CNTN2: variants seen among roughly 807,000 people sequenced by gnomAD.
The protein encoded by CNTN2 is contactin 2.
Under a neutral mutation model 117.5 loss-of-function variants are expected in CNTN2, and 53 were observed. The observed-to-expected ratio is 0.45, with a 90% CI of 0.36 to 0.57. The LOEUF (loss-of-function observed/expected upper bound fraction) is 0.57, where lower values mean the gene tolerates loss of function less well. CNTN2 is among the 20% of genes least tolerant of loss of function. The pLI is 0.00. For missense variants in CNTN2, 1,106 were observed against 1,404.3 expected (o/e 0.79, Z 3.39); for synonymous variants, 530 against 561.7 (o/e 0.94, Z 0.80).
Position 205,065,340 on chromosome 1 carries a change from C to G in CNTN2, c.1695+78C>G. 1 of 1,500,934 alleles carries G rather than the reference C, an allele frequency of 6.7e-7. No homozygotes were observed. The allele number at this position is 1,500,934 out of a possible 1,614,324, so 93.0% of individuals were successfully genotyped here. A position where few individuals can be genotyped will look rare whatever the true frequency, so the allele number is the denominator to read the frequency against. On this transcript the variant is annotated intron_variant, in intron 13 of 22. Coordinates refer to ENST00000331830, the MANE Select transcript of CNTN2 (RefSeq NM_005076.5). The surrounding 1 kb of genome is among the most constrained non-coding windows in gnomAD (Gnocchi z 4.1). ...GGGCCCCAAGATGTCCTTAGCCATC[C>G]TCACCTTTAAGAAACCCATAGCCTA...
At position 205,065,013 on chromosome 1, in the gene CNTN2, T is replaced by C; in HGVS notation, c.1520-74T>C. 6.6e-7 allele frequency: 1 copy of C among 1,515,890 alleles called. No individual in the cohort carries two copies. The highest frequency in any genetic ancestry group is 9.0e-7 in the Non-Finnish European group (1 of 1,107,150). 93.9% of individuals were successfully genotyped at this position (1,515,890 alleles called of 1,614,324 possible). A position where few individuals can be genotyped will look rare whatever the true frequency, so the allele number is the denominator to read the frequency against. ...TTGCTGGGCCTTAGGACAGAGCCTC[T>C]CAGCCTGCCCTGCGGACCCGGCCTG... On this transcript the variant is annotated intron_variant, in intron 12 of 22. Coordinates refer to ENST00000331830, the MANE Select transcript of CNTN2 (RefSeq NM_005076.5). This position sits in a 1 kb window ranked among gnomAD's most constrained non-coding sequence, Gnocchi z 4.1.
Position 205,061,759 on chromosome 1 carries a change from C to T in CNTN2, c.974-106C>T. The T allele has an allele frequency of 7.3e-7, 1 of 1,372,008 alleles. No individual in the cohort carries two copies. 85.0% of individuals were successfully genotyped at this position (1,372,008 alleles called of 1,614,324 possible). A position where few individuals can be genotyped will look rare whatever the true frequency, so the allele number is the denominator to read the frequency against. ...CTCCATCTCAGAATGCTCATGGCGC[C>T]CTCTGCTGTCTGGCACAGGTGCTGC... is the stretch of plus-strand genomic sequence containing the variant. On this transcript the variant is annotated intron_variant, in intron 8 of 22. Transcript: ENST00000331830. The surrounding 1 kb of genome is among the most constrained non-coding windows in gnomAD (Gnocchi z 4.8).
Position 205,059,346 on chromosome 1 carries a change from C to A in CNTN2, c.697+53C>A. 4 of 1,537,622 alleles carry A rather than the reference C, an allele frequency of 2.6e-6. No individual in the cohort carries two copies. The highest frequency in any genetic ancestry group is 3.6e-6 in the Non-Finnish European group (4 of 1,123,090). ...GGAGGGAACTGGAAGGGTCAGCGGG[C>A]ATTAGGAAAAGGGTTTTTCCTTTGG... On this transcript the variant is annotated intron_variant, in intron 6 of 22. Transcript: ENST00000331830. The surrounding 1 kb of genome is among the most constrained non-coding windows in gnomAD (Gnocchi z 5.6).
chr1:205,043,670 G>A (rs1229933940), intron 1 of CNTN2, among the ~76,000 whole-genome samples: 1 of 152,186 alleles, frequency 6.6e-6, no homozygotes, highest in Non-Finnish European at 1.5e-5. Context: ...GTGTGTCCAG[G>A]AATTCCAGTT....
At chr1:205,049,395 A>G (rs942923144) in intron 1 of CNTN2, among the ~76,000 whole-genome samples, 43 of 151,912 alleles carry the variant, frequency 2.8e-4, no homozygotes, top group African/African-American at 9.9e-4. Context: ...ATACACATAT[A>G]TACATATACA....
intron 9 of CNTN2, 25 bp from the exon 10 acceptor site, chr1:205,062,415 C>G (rs910917774): frequency 1.2e-6 from 2 of 1,600,920 alleles, no homozygotes; most frequent in Admixed American, 3.4e-5. Context: ...CCTGATCCCC[C>G]TGGGCTCTGG....
rs1654002260 is a variant in CNTN2, at chr1:205,061,920, C to A, written c.1029C>A (p.Asn343Lys). 3.1e-6 allele frequency: 5 copies of A among 1,600,328 alleles called. No individual in the cohort carries two copies. Among genetic ancestry groups the A allele is most frequent in the Non-Finnish European group, 4.3e-6 (5 of 1,172,466 alleles). ...ISDTEADIGS[N>K]LRWGCAAAGK... Reference sequence around the variant, plus strand: ...ACACAGAGGCTGACATTGGCTCCAACCTGCGTTGGGGCTGTGCAGCCGCCG... The same window carrying A: ...ACACAGAGGCTGACATTGGCTCCAAACTGCGTTGGGGCTGTGCAGCCGCCG... Residue 343 changes from asparagine (N) to lysine (K), a missense_variant, in exon 9 of 23, where the codon AAC becomes AAA. Physicochemically the swap from Asn to Lys is moderately conservative, Grantham distance 94 (BLOSUM62 0). Transcript: ENST00000331830. The surrounding 1 kb of genome is among the most constrained non-coding windows in gnomAD (Gnocchi z 4.8).
intron 9 of CNTN2, 99 bp downstream of exon 9, chr1:205,062,100 T>C: frequency 7.0e-7 from 1 of 1,433,098 alleles, no homozygotes. Context: ...TAGTAGCCCC[T>C]CTGGGCTAAT....
At position 205,073,799 on chromosome 1, in the gene CNTN2, C is replaced by T. The variant is rs545612068; in HGVS notation, c.*34C>T. The T allele has an allele frequency of 1.5e-5, 24 of 1,555,840 alleles. No homozygotes were observed. Among genetic ancestry groups the T allele is most frequent in the African/African-American group, 4.1e-5 (3 of 73,914 alleles). ...CCCCTCCCTCTGCGCCGCAGCTGGA[C>T]GCCACCTCCGACGGACACAGCCAGC... On this transcript the variant is annotated 3_prime_UTR_variant, in exon 23 of 23. Coordinates refer to ENST00000331830, the MANE Select transcript of CNTN2 (RefSeq NM_005076.5). The surrounding 1 kb of genome is among the most constrained non-coding windows in gnomAD (Gnocchi z 6.3).
At position 205,078,168 on chromosome 1, in the gene CNTN2, G is replaced by A. The variant is rs535048207; in HGVS notation, c.*4403G>A. 1.3e-5 allele frequency: 2 copies of A among 152,206 alleles called. No individual in the cohort carries two copies. The highest frequency in any genetic ancestry group is 6.5e-5 in the Admixed American group (1 of 15,278). 9.4% of individuals were successfully genotyped at this position (152,206 alleles called of 1,614,324 possible). A position where few individuals can be genotyped will look rare whatever the true frequency, so the allele number is the denominator to read the frequency against. On this transcript the variant is annotated 3_prime_UTR_variant, in exon 23 of 23. Coordinates refer to ENST00000331830, the MANE Select transcript of CNTN2 (RefSeq NM_005076.5). ...TCTATATTGCTTCATCCAGTCCCAG[G>A]AGGAGGGAAAAATTAGGCCAAGATC...
rs1654918670 is a variant in CNTN2, at chr1:205,077,491, T to C, written c.*3726T>C. 6.6e-6 allele frequency: 1 copy of C among 152,262 alleles called. No homozygotes were observed. The highest frequency in any genetic ancestry group is 2.1e-4 in the South Asian group (1 of 4,836). 9.4% of individuals were successfully genotyped at this position (152,262 alleles called of 1,614,324 possible). A position where few individuals can be genotyped will look rare whatever the true frequency, so the allele number is the denominator to read the frequency against. On this transcript the variant is annotated 3_prime_UTR_variant, in exon 23 of 23. Transcript: ENST00000331830. ...CTGTCTCCCTGGGTGACACCCACCC[T>C]AGGCTTCCTCCTGGATGTGATGGGG...
intron 1 of CNTN2, among the ~76,000 whole-genome samples, chr1:205,046,733 A>T (rs191226970): frequency 6.6e-6 from 1 of 152,312 alleles, no homozygotes; most frequent in East Asian, 1.9e-4. Flanking sequence ...TTCAGAAACA[A>T]GTTGAAACCA....
chr1:205,058,886 G>A lies in CNTN2; in HGVS notation c.488-198G>A, dbSNP rs1329214578. On this transcript the variant is annotated intron_variant, in intron 5 of 22. Coordinates refer to ENST00000331830, the MANE Select transcript of CNTN2 (RefSeq NM_005076.5). This position sits in a 1 kb window ranked among gnomAD's most constrained non-coding sequence, Gnocchi z 4.3. ...AAACTGGGTGGCCCCTGAGGGCTGC[G>A]ATCCCTGGCAGACTTAGCGCTCCCT... 10 of 675,982 alleles carry A rather than the reference G, an allele frequency of 1.5e-5. No individual in the cohort carries two copies. Among genetic ancestry groups the A allele is most frequent in the Non-Finnish European group, 2.2e-5 (9 of 402,526 alleles). 41.9% of individuals were successfully genotyped at this position (675,982 alleles called of 1,614,324 possible).
Position 205,070,008 on chromosome 1 carries a change from G to A in CNTN2, c.2378G>A (p.Arg793His), listed in dbSNP as rs761461194. Residue 793 changes from arginine (R) to histidine (H), a missense_variant, in exon 18 of 23, where the codon CGC becomes CAC. Coordinates refer to ENST00000331830, the MANE Select transcript of CNTN2 (RefSeq NM_005076.5). The stretch of plus-strand genomic sequence containing the variant: ...GAGGTCAAGATCCGCAGCTACAACC[G>A]CCGCGGGGATGGGCCCGAGAGCCTC... ...PFEVKIRSYN[R>H]RGDGPESLTA... The A allele has an allele frequency of 5.6e-6, 9 of 1,613,828 alleles. No individual in the cohort carries two copies. The highest frequency in any genetic ancestry group is 1.1e-5 in the South Asian group (1 of 91,084).
chr1:205,057,741 C>A, intron 2 of CNTN2, 180 bp from the exon 3 acceptor site: 1 of 562,588 alleles, frequency 1.8e-6, no homozygotes, highest in Non-Finnish European at 3.1e-6. Context: ...GTTCTTCAGT[C>A]GCAATAGCCA....
chr1:205,058,110 G>T lies in CNTN2; in HGVS notation c.215+45G>T, dbSNP rs765169365. The stretch of plus-strand genomic sequence containing the variant: ...TGCTGGGAGGCCCTGGGCAGCCGTT[G>T]AACTTTCCCTCTCATCAGCCCTGCC... On this transcript the variant is annotated intron_variant, in intron 3 of 22. Coordinates refer to ENST00000331830, the MANE Select transcript of CNTN2 (RefSeq NM_005076.5). The surrounding 1 kb of genome is among the most constrained non-coding windows in gnomAD (Gnocchi z 4.3). 1 of 1,605,114 alleles carries T rather than the reference G, an allele frequency of 6.2e-7. No individual in the cohort carries two copies. Among genetic ancestry groups the T allele is most frequent in the Non-Finnish European group, 8.5e-7 (1 of 1,175,640 alleles).
chr1:205,074,953 C>T lies in CNTN2; in HGVS notation c.*1188C>T, dbSNP rs1443935541. ...GGGGTTAATAAATGGGCCATCCTTT[C>T]CTGAGCTCTGGGTATACTACCAGTC... On this transcript the variant is annotated 3_prime_UTR_variant, in exon 23 of 23. Transcript: ENST00000331830. 2.5e-6 allele frequency: 1 copy of T among 398,512 alleles called. No individual in the cohort carries two copies. Among genetic ancestry groups the T allele is most frequent in the African/African-American group, 2.1e-5 (1 of 48,636 alleles). The allele number at this position is 398,512 out of a possible 1,614,324, so 24.7% of individuals were successfully genotyped here.
At chr1:205,052,687 C>T (rs2096454909) in intron 1 of CNTN2, among the ~76,000 whole-genome samples, 3 of 152,192 alleles carry the variant, frequency 2.0e-5, no homozygotes, top group Admixed American at 2.0e-4. Flanking sequence ...GGGGGAAAGT[C>T]AGCCCTGAGC....
chr1:205,070,248 A>G, intron 18 of CNTN2, 178 bp from the exon 19 acceptor site: 1 of 722,420 alleles, frequency 1.4e-6, no homozygotes, highest in Non-Finnish European at 2.3e-6. Context: ...GGTTAGGAAA[A>G]GGGAGGCTCT....
Sources: allele counts gnomAD v4.1 joint callset (sites outside exome capture counted in the v4.1 genomes callset), GRCh38; gene constraint gnomAD v4.1.1; non-coding constraint Gnocchi (gnomAD v3.1); transcripts MANE v1.5; gene names NCBI Gene and HGNC (gene_info 2026-07-23, HGNC 2026-07-21).